ANO2: variants seen among roughly 807,000 people sequenced by gnomAD.
ANO2 encodes anoctamin-2.
Under a neutral mutation model 124.2 loss-of-function variants are expected in ANO2, and 101 were observed. The ratio of observed to expected loss-of-function variants is 0.81; its 90% CI spans 0.69 to 0.96. The LOEUF (loss-of-function observed/expected upper bound fraction) is 0.96, where lower values mean the gene tolerates loss of function less well. Among genes scored for constraint, ANO2 ranks in the 40% least tolerant of loss-of-function variants. The pLI, the probability that ANO2 is intolerant of heterozygous loss-of-function variation, is 0.00. For synonymous variants in ANO2, 486 were observed against 482.5 expected, an observed-to-expected ratio of 1.01 and a Z score of -0.09; for missense variants, 1,293 against 1,274.5, an observed-to-expected ratio of 1.01 and a Z score of -0.22.
Position 5,578,412 on chromosome 12 carries a change from A to G in ANO2, c.2340T>C (p.Phe780=). 6.2e-7 allele frequency: 1 copy of G among 1,613,980 alleles called. No homozygotes were observed. The highest frequency in any genetic ancestry group is 8.5e-7 in the Non-Finnish European group (1 of 1,179,870). The stretch of plus-strand genomic sequence containing the variant: ...CATCCGGCCGTCTCAGCTCTGTAAC[A>G]AACTTCTTTGCATCGAGCCGCACTT... ...VIEVRLDAKK[F]VTELRRPDAV... Residue 780 remains phenylalanine (F), a synonymous_variant, in exon 21 of 25, where the codon TTT becomes TTC. Transcript: ENST00000682330.
rs942104908 is a variant in ANO2, at chr12:5,769,629, C to G, written c.1056-18659G>C. Among the ~76,000 whole-genome samples the G allele has an allele frequency of 6.6e-6, 1 of 152,212 alleles. No individual in the cohort carries two copies. The highest frequency in any genetic ancestry group is 1.5e-5 in the Non-Finnish European group (1 of 68,034). The stretch of plus-strand genomic sequence containing the variant: ...TCCCTACCTACCTGTACATTCCTAT[C>G]CGTGGGTGGTGGATGGACCTCCATT... On this transcript the variant is annotated intron_variant, in intron 10 of 24. Coordinates refer to ENST00000682330, the MANE Select transcript of ANO2 (RefSeq NM_001364791.2). The surrounding 1 kb of genome is among the most constrained non-coding windows in gnomAD (Gnocchi z 4.0).
chr12:5,874,617 C>T (rs1937962507), intron 3 of ANO2, among the ~76,000 whole-genome samples: 1 of 152,178 alleles, frequency 6.6e-6, no homozygotes, highest in South Asian at 2.1e-4. Context: ...TCTCCAAGCA[C>T]CCCGTGCCTC....
intron 15 of ANO2, among the ~76,000 whole-genome samples, chr12:5,646,090 T>C (rs965926764): frequency 2.0e-5 from 3 of 152,220 alleles, no homozygotes; most frequent in Non-Finnish European, 4.4e-5. Context: ...GGAGTTCTGA[T>C]TTAATTTGGT....
chr12:5,798,236 G>A (rs1046265419), intron 10 of ANO2, among the ~76,000 whole-genome samples: 9 of 151,754 alleles, frequency 5.9e-5, no homozygotes, highest in African/African-American at 1.2e-4. Flanking sequence ...GCCAGGGGAC[G>A]GGAGACAGGG....
intron 20 of ANO2, among the ~76,000 whole-genome samples, chr12:5,582,025 G>A (rs1942783760): frequency 6.6e-6 from 1 of 152,192 alleles, no homozygotes; most frequent in African/African-American, 2.4e-5. Flanking sequence ...TCAGTCAAAG[G>A]TCTAAAATGC....
At chr12:5,764,721 T>TC (rs1212274362) in intron 10 of ANO2, among the ~76,000 whole-genome samples, 1 of 143,618 alleles carries the variant, frequency 7.0e-6, no homozygotes, top group African/African-American at 2.5e-5. Flanking sequence ...GTTCTCCTGC[T>TC]TTTTTCCAAC....
intron 20 of ANO2, among the ~76,000 whole-genome samples, chr12:5,589,211 C>T (rs536807953): frequency 6.6e-5 from 10 of 152,254 alleles, no homozygotes; most frequent in African/African-American, 2.2e-4. Context: ...AGAGCTGCTG[C>T]GATCTTTGAA....
chr12:5,681,995 C>T (rs961478325), intron 14 of ANO2, among the ~76,000 whole-genome samples: 1 of 152,196 alleles, frequency 6.6e-6, no homozygotes, highest in Admixed American at 6.5e-5. Context: ...ATTTCTTTCC[C>T]TTTCAACTTA....
chr12:5,758,827 T>G (rs1242162551), intron 10 of ANO2, among the ~76,000 whole-genome samples: 2 of 152,172 alleles, frequency 1.3e-5, no homozygotes, highest in African/African-American at 4.8e-5. Flanking sequence ...TGTATGGCAT[T>G]CAATAAACAA....
chr12:5,638,312 T>C (rs1248998173), intron 15 of ANO2, among the ~76,000 whole-genome samples: 1 of 147,568 alleles, frequency 6.8e-6, no homozygotes, highest in East Asian at 2.1e-4. Flanking sequence ...CTGGGCTCAC[T>C]GCAAGCTCCG....
At chr12:5,804,061 C>T (rs142883280) in intron 9 of ANO2, among the ~76,000 whole-genome samples, 2 of 152,290 alleles carry the variant, frequency 1.3e-5, no homozygotes, top group African/African-American at 4.8e-5. Context: ...GGCTCCCAAG[C>T]CTTCTCCATG....
chr12:5,610,926 T>C (rs59817323), intron 19 of ANO2, among the ~76,000 whole-genome samples: 25,510 of 136,750 alleles, frequency 0.19, 2,741 homozygotes, highest in African/African-American at 0.2. Context: ...ATGATGGTGG[T>C]AGTCTTCTTT....
chr12:5,685,107 C>T (rs1948651220), intron 14 of ANO2, among the ~76,000 whole-genome samples: 1 of 152,200 alleles, frequency 6.6e-6, no homozygotes, highest in African/African-American at 2.4e-5. Context: ...CCTATGCCCA[C>T]CTTGGCTCAG....
chr12:5,795,181 G>C (rs534719469), intron 10 of ANO2, among the ~76,000 whole-genome samples: 1 of 152,220 alleles, frequency 6.6e-6, no homozygotes, highest in South Asian at 2.1e-4. Context: ...TGTCAGGCTA[G>C]AGAGGGCTGG....
At chr12:5,744,082 T>C (rs1951188465) in intron 12 of ANO2, 75 bp downstream of exon 12, 2 of 1,567,080 alleles carry the variant, frequency 1.3e-6, no homozygotes, top group Admixed American at 3.5e-5. Context: ...CTGAAGGGGA[T>C]GAGCTTTACA....
chr12:5,796,226 T>G (rs752915910), intron 10 of ANO2, among the ~76,000 whole-genome samples: 3 of 147,430 alleles, frequency 2.0e-5, no homozygotes, highest in Non-Finnish European at 4.5e-5. Flanking sequence ...CTGACACACA[T>G]GAACACACTC....
intron 14 of ANO2, among the ~76,000 whole-genome samples, chr12:5,715,564 T>A (rs1226844615): frequency 6.6e-6 from 1 of 152,166 alleles, no homozygotes; most frequent in East Asian, 1.9e-4. Context: ...GTTCTCTCAG[T>A]GACACATGCA....
chr12:5,731,663 A>G (rs868860653), intron 14 of ANO2, among the ~76,000 whole-genome samples: 4 of 151,924 alleles, frequency 2.6e-5, no homozygotes, highest in Admixed American at 6.6e-5. Flanking sequence ...TATCCCAAAG[A>G]GCATCCCCAT....
intron 3 of ANO2, among the ~76,000 whole-genome samples, chr12:5,898,800 C>T (rs1284086128): frequency 1.3e-5 from 2 of 152,196 alleles, no homozygotes; most frequent in African/African-American, 2.4e-5. Flanking sequence ...TCTATTTCTT[C>T]ATCTGGATGG....
Sources: allele counts gnomAD v4.1 joint callset (sites outside exome capture counted in the v4.1 genomes callset), GRCh38; gene constraint gnomAD v4.1.1; non-coding constraint Gnocchi (gnomAD v3.1); transcripts MANE v1.5; gene names NCBI Gene and HGNC (gene_info 2026-07-23, HGNC 2026-07-21).